Variants in LYPD6B observed in about 807,000 individuals in gnomAD.
LYPD6B encodes ly6/PLAUR domain-containing protein 6B.
A neutral mutation model predicts 22.8 loss-of-function variants in LYPD6B; 17 were observed. The observed-to-expected ratio is 0.75, with a 90% confidence interval of 0.51 to 1.12. The LOEUF is 1.12. Ranked by LOEUF, LYPD6B falls within the 50% of genes most tolerant of loss-of-function variation. The probability of loss-of-function intolerance (pLI) is 0.00; values close to 1 mark genes in which losing one functional copy is unlikely to be tolerated. For synonymous variants in LYPD6B, 106 were observed against 91.6 expected (o/e 1.16, Z -0.90); for missense variants, 221 against 258.3 (o/e 0.86, Z 0.99).
intron 1 of LYPD6B, among the ~76,000 whole-genome samples, chr2:149,094,406 A>G (rs1685808201): frequency 6.6e-6 from 1 of 152,240 alleles, no homozygotes; most frequent in Admixed American, 6.5e-5. Flanking sequence ...AAAGATCATA[A>G]TTAGATTTGC....
chr2:149,160,972 C>G, intron 3 of LYPD6B, 137 bp downstream of exon 3: 1 of 686,010 alleles, frequency 1.5e-6, no homozygotes, highest in Non-Finnish European at 2.5e-6. Flanking sequence ...GTTTCCCATC[C>G]TAAGCCCTCA....
chr2:149,145,914 A>G (rs1688991813), intron 2 of LYPD6B, among the ~76,000 whole-genome samples: 1 of 152,226 alleles, frequency 6.6e-6, no homozygotes, highest in African/African-American at 2.4e-5. Flanking sequence ...AAGAAACAAC[A>G]GGCAACAGTT....
intron 2 of LYPD6B, among the ~76,000 whole-genome samples, chr2:149,144,802 G>A (rs1031135070): frequency 4.6e-5 from 7 of 152,140 alleles, no homozygotes; most frequent in Non-Finnish European, 2.9e-5. Context: ...AGATACTATA[G>A]GAACAAACAT....
chr2:149,158,456 G>T (rs140424753), intron 2 of LYPD6B, among the ~76,000 whole-genome samples: 1 of 152,106 alleles, frequency 6.6e-6, no homozygotes, highest in Non-Finnish European at 1.5e-5. Flanking sequence ...TTTATATGAC[G>T]TACCTAGAAT....
At chr2:149,203,643 G>C (rs1693314945) in intron 3 of LYPD6B, among the ~76,000 whole-genome samples, 1 of 152,208 alleles carries the variant, frequency 6.6e-6, no homozygotes, top group South Asian at 2.1e-4. Flanking sequence ...CACTAGGTAT[G>C]ATTATGTACA....
intron 1 of LYPD6B, among the ~76,000 whole-genome samples, chr2:149,076,364 A>G (rs1283047493): frequency 6.6e-6 from 1 of 152,220 alleles, no homozygotes; most frequent in African/African-American, 2.4e-5. Flanking sequence ...ATAAGAAGTG[A>G]TAACTATAGT....
intron 1 of LYPD6B, among the ~76,000 whole-genome samples, chr2:149,067,635 C>CT (rs61711345): frequency 6.6e-6 from 1 of 150,564 alleles, no homozygotes; most frequent in Non-Finnish European, 1.5e-5. Context: ...ATAGTCTTTG[C>CT]TTTTTTCCTT....
intron 3 of LYPD6B, among the ~76,000 whole-genome samples, chr2:149,166,521 C>T (rs1690432790): frequency 1.3e-5 from 2 of 152,128 alleles, no homozygotes; most frequent in South Asian, 2.1e-4. Flanking sequence ...TCATATCTCA[C>T]TCTCCATTTA....
intron 1 of LYPD6B, among the ~76,000 whole-genome samples, chr2:149,125,366 T>C (rs973192904): frequency 6.6e-6 from 1 of 152,228 alleles, no homozygotes; most frequent in African/African-American, 2.4e-5. Context: ...TCTTTCCTCT[T>C]CCTGGAGGGT....
chr2:149,139,563 C>G (rs1045541734), intron 2 of LYPD6B, among the ~76,000 whole-genome samples: 1 of 152,160 alleles, frequency 6.6e-6, no homozygotes, highest in African/African-American at 2.4e-5. Flanking sequence ...AATCTTTTCT[C>G]ATTCCTCATT....
chr2:149,164,033 A>C (rs1690260908), intron 3 of LYPD6B, among the ~76,000 whole-genome samples: 1 of 152,100 alleles, frequency 6.6e-6, no homozygotes, highest in Non-Finnish European at 1.5e-5. Context: ...TGGGAAGATG[A>C]ATGGGCCCTC....
chr2:149,118,503 T>C (rs1211305085), intron 1 of LYPD6B, among the ~76,000 whole-genome samples: 2 of 152,332 alleles, frequency 1.3e-5, no homozygotes, highest in East Asian at 3.9e-4. Flanking sequence ...GTACACTTTT[T>C]GGGGCTAATA....
intron 1 of LYPD6B, among the ~76,000 whole-genome samples, chr2:149,114,644 A>G (rs549767694): frequency 6.6e-6 from 1 of 152,304 alleles, no homozygotes; most frequent in Admixed American, 6.5e-5. Flanking sequence ...AGGAGATTCA[A>G]GTGTTCTTAG....
chr2:149,177,466 C>T (rs1029505019), intron 3 of LYPD6B, among the ~76,000 whole-genome samples: 1 of 152,196 alleles, frequency 6.6e-6, no homozygotes, highest in Admixed American at 6.5e-5. Context: ...TATTCCCCTT[C>T]ACTTTGTTTC....
chr2:149,041,013 G>A (rs1006849034), intron 1 of LYPD6B, among the ~76,000 whole-genome samples: 5 of 151,530 alleles, frequency 3.3e-5, no homozygotes, highest in East Asian at 3.9e-4. Flanking sequence ...GTCTGGGGAC[G>A]TAGTGAAGAC....
chr2:149,095,455 T>C (rs1685860004), intron 1 of LYPD6B, among the ~76,000 whole-genome samples: 2 of 152,320 alleles, frequency 1.3e-5, no homozygotes, highest in East Asian at 1.9e-4. Context: ...GCTGTTTTTT[T>C]CCCCCACATG....
intron 2 of LYPD6B, among the ~76,000 whole-genome samples, chr2:149,140,486 G>A (rs943188878): frequency 2.6e-5 from 4 of 152,166 alleles, no homozygotes; most frequent in African/African-American, 9.7e-5. Flanking sequence ...TGAACTTGTA[G>A]GAATCAGGGG....
chr2:149,152,151 A>G (rs1689421673), intron 2 of LYPD6B, among the ~76,000 whole-genome samples: 1 of 152,202 alleles, frequency 6.6e-6, no homozygotes, highest in African/African-American at 2.4e-5. Flanking sequence ...TACTTAGAAT[A>G]TTATGGTATA....
chr2:149,170,436 C>A (rs1319656093), intron 3 of LYPD6B, among the ~76,000 whole-genome samples: 1 of 152,168 alleles, frequency 6.6e-6, no homozygotes, highest in East Asian at 1.9e-4. Flanking sequence ...GTGCTATATT[C>A]TGTTCTCTGT....
Sources: gnomAD v4.1 joint callset for allele counts (sites outside exome capture counted in the v4.1 genomes callset) on GRCh38, gnomAD v4.1.1 for gene constraint, MANE v1.5 for transcripts, NCBI Gene and HGNC (gene_info 2026-07-23, HGNC 2026-07-21) for gene names.